The following SLC22A25 variants were observed in gnomAD, a reference collection of about 807,000 sequenced individuals.
SLC22A25 encodes solute carrier family 22 member 25, also known as MGI:2442751, MGI:2385316, MGI:3042283, MGI:3645714, MGI:3605624, MGI:2442750.
Under a neutral mutation model 45.9 loss-of-function variants are expected in SLC22A25, and 44 were observed. The ratio of observed to expected loss-of-function variants is 0.96; its 90% CI spans 0.75 to 1.23. The LOEUF is 1.23. Ranked by LOEUF, SLC22A25 falls within the 50% of genes most tolerant of loss-of-function variation. The probability of loss-of-function intolerance (pLI) is 0.00; values close to 1 mark genes in which losing one functional copy is unlikely to be tolerated. For missense variants in SLC22A25, 800 were observed against 666.4 expected (o/e 1.20, Z -2.21); for synonymous variants, 283 against 238.6 (o/e 1.19, Z -1.72).
chr11:63,167,970 G>A (rs767837103), intron 9 of SLC22A25: 1 of 397,336 alleles, frequency 2.5e-6, no homozygotes, highest in South Asian at 1.7e-5. Context: ...AGAGGAAGGA[G>A]CAGGCAGGAA....
chr11:63,233,602 A>AT (rs1356567813), intron 3 of SLC22A25, among the ~76,000 whole-genome samples: 18 of 152,018 alleles, frequency 1.2e-4, no homozygotes, highest in Admixed American at 2.6e-4. Flanking sequence ...GGATTCATTG[A>AT]TTTTTTGAAG....
chr11:63,200,676 A>G (rs1417400555), intron 7 of SLC22A25, among the ~76,000 whole-genome samples: 3 of 152,168 alleles, frequency 2.0e-5, no homozygotes, highest in Admixed American at 2.0e-4. Flanking sequence ...GGCAACAGAA[A>G]GAAATAAAGG....
intron 7 of SLC22A25, among the ~76,000 whole-genome samples, chr11:63,216,063 A>G (rs958542208): frequency 2.0e-5 from 3 of 152,198 alleles, no homozygotes; most frequent in African/African-American, 7.2e-5. Flanking sequence ...TAGAGCTGTA[A>G]TGAACATTTG....
At chr11:63,234,102 A>G (rs1043747115) in intron 3 of SLC22A25, among the ~76,000 whole-genome samples, 3 of 152,210 alleles carry the variant, frequency 2.0e-5, no homozygotes, top group Non-Finnish European at 4.4e-5. Context: ...GCTGAAAAGA[A>G]TGTATATTCT....
chr11:63,192,118 T>C (rs1226616132), intron 7 of SLC22A25, among the ~76,000 whole-genome samples: 1 of 152,172 alleles, frequency 6.6e-6, no homozygotes, highest in Admixed American at 6.5e-5. Context: ...AGGAAGCCCA[T>C]TGGACTAATA....
At chr11:63,226,164 T>C (rs531190184) in intron 5 of SLC22A25, among the ~76,000 whole-genome samples, 1 of 152,178 alleles carries the variant, frequency 6.6e-6, no homozygotes, top group Non-Finnish European at 1.5e-5. Context: ...GTTTGTTTAG[T>C]GAAGTCATGA....
At chr11:63,206,537 T>C (rs1243916884) in intron 7 of SLC22A25, among the ~76,000 whole-genome samples, 3 of 152,192 alleles carry the variant, frequency 2.0e-5, no homozygotes, top group Non-Finnish European at 2.9e-5. Context: ...TCATTCACAG[T>C]TGCTACAAAG....
intron 10 of SLC22A25, 61 bp downstream of exon 10, chr11:63,165,983 G>A: frequency 1.3e-6 from 2 of 1,580,460 alleles, no homozygotes; most frequent in Non-Finnish European, 1.7e-6. Flanking sequence ...GTGTGACCAG[G>A]GCAATCCCTG....
intron 9 of SLC22A25, among the ~76,000 whole-genome samples, chr11:63,176,839 A>G (rs769876779): frequency 1.3e-5 from 2 of 152,030 alleles, no homozygotes; most frequent in African/African-American, 2.4e-5. Flanking sequence ...AGTTTCCTTT[A>G]CCAGTAAGCC....
chr11:63,242,089 C>A (rs777366763), intron 1 of SLC22A25, among the ~76,000 whole-genome samples: 1 of 151,994 alleles, frequency 6.6e-6, no homozygotes, highest in Non-Finnish European at 1.5e-5. Flanking sequence ...TCACAAGAGA[C>A]CAAGAAAAAG....
chr11:63,223,091 T>G (rs1172378680), intron 5 of SLC22A25, among the ~76,000 whole-genome samples: 1 of 152,080 alleles, frequency 6.6e-6, no homozygotes, highest in Non-Finnish European at 1.5e-5. Flanking sequence ...AGTTTTCTTT[T>G]TTTTGAGGTG....
At chr11:63,239,397 A>G (rs1442515248) in intron 1 of SLC22A25, among the ~76,000 whole-genome samples, 1 of 152,182 alleles carries the variant, frequency 6.6e-6, no homozygotes, top group East Asian at 1.9e-4. Flanking sequence ...CTTTGTGAAA[A>G]TTTATGTTAT....
chr11:63,179,478 A>G (rs1356825027), intron 9 of SLC22A25, among the ~76,000 whole-genome samples: 1 of 151,930 alleles, frequency 6.6e-6, no homozygotes, highest in Non-Finnish European at 1.5e-5. Flanking sequence ...TCTTCTCTGT[A>G]TTTGTGCATG....
At chr11:63,175,171 T>C (rs1295964012) in intron 9 of SLC22A25, among the ~76,000 whole-genome samples, 2 of 152,174 alleles carry the variant, frequency 1.3e-5, no homozygotes, top group East Asian at 3.9e-4. Context: ...GTGAATCATA[T>C]GGTAGTCCTA....
chr11:63,198,799 A>G (rs1165682140), intron 7 of SLC22A25, among the ~76,000 whole-genome samples: 2 of 152,218 alleles, frequency 1.3e-5, no homozygotes, highest in African/African-American at 2.4e-5. Context: ...CTGCTCCTGA[A>G]TGACTTTTGG....
chr11:63,194,581 G>C lies in SLC22A25; in HGVS notation c.831-10764C>G, dbSNP rs140041006. 4.6e-3 allele frequency among the ~76,000 whole-genome samples: 707 copies of C among 152,130 alleles called. 7 individuals are homozygous for C. The highest frequency in any genetic ancestry group is 0.016 in the African/African-American group (665 of 41,516). ...TCAAGGAAGCACTAAACATGGAAAGGAACAACGGGTATCAGCCACTGCAGA... is the reference window on the plus strand; with the variant it reads ...TCAAGGAAGCACTAAACATGGAAAGCAACAACGGGTATCAGCCACTGCAGA... On this transcript the variant is annotated intron_variant, in intron 7 of 11. Transcript: ENST00000306494.
chr11:63,238,962 G>A lies in SLC22A25; in HGVS notation c.-822C>T, dbSNP rs182590818. 1 of 181,086 alleles carries A rather than the reference G, an allele frequency of 5.5e-6. No homozygotes were observed. Among genetic ancestry groups the A allele is most frequent in the Non-Finnish European group, 1.2e-5 (1 of 81,664 alleles). The allele number at this position is 181,086 out of a possible 1,614,324, so 11.2% of individuals were successfully genotyped here. Reference sequence around the variant, plus strand: ...CCAAGACGATGACATTGTCTATGATGTGCACCTAGCAGTGGTGACCAGGAT... The same window carrying A: ...CCAAGACGATGACATTGTCTATGATATGCACCTAGCAGTGGTGACCAGGAT... On this transcript the variant is annotated 5_prime_UTR_variant, in exon 2 of 12. Transcript: ENST00000306494.
At chr11:63,207,215 A>T (rs986624118) in intron 7 of SLC22A25, among the ~76,000 whole-genome samples, 15 of 152,230 alleles carry the variant, frequency 9.9e-5, no homozygotes, top group Admixed American at 2.0e-4. Flanking sequence ...ATGGACAAAG[A>T]TTTTATGACT....
chr11:63,216,194 A>G (rs2089706103), intron 7 of SLC22A25, among the ~76,000 whole-genome samples: 1 of 152,240 alleles, frequency 6.6e-6, no homozygotes, highest in Non-Finnish European at 1.5e-5. Flanking sequence ...ACTAATCAGA[A>G]TGGCTATTAA....
Sources: allele counts gnomAD v4.1 joint callset (sites outside exome capture counted in the v4.1 genomes callset), GRCh38; gene constraint gnomAD v4.1.1; transcripts MANE v1.5; gene names NCBI Gene and HGNC (gene_info 2026-07-23, HGNC 2026-07-21).